The following RAPGEF6 variants were observed in gnomAD, a reference collection of about 807,000 sequenced individuals.
RAPGEF6 encodes the protein PDZ domain containing guanine nucleotide exchange factor (GEF) 2.
A neutral mutation model predicts 171.4 loss-of-function variants in RAPGEF6; 56 were observed. That is an observed-to-expected ratio of 0.33 (90% CI 0.26 to 0.41). The LOEUF is 0.41. Among genes scored for constraint, RAPGEF6 ranks in the 10% least tolerant of loss-of-function variants. The pLI is 1.00. For missense variants in RAPGEF6, 1,674 were observed against 1,921.4 expected, an observed-to-expected ratio of 0.87 and a Z score of 2.41; for synonymous variants, 692 against 650.1, an observed-to-expected ratio of 1.06 and a Z score of -0.98.
At chr5:131,442,255 AC>A (rs776984191) in intron 23 of RAPGEF6, 93 bp downstream of exon 23, 65 of 1,250,800 alleles carry the variant, frequency 5.2e-5, no homozygotes, top group Non-Finnish European at 7.0e-5. Flanking sequence ...ACAACCTACA[AC>A]AGCTTATCTC....
chr5:131,491,055 C>CGTGTGTGTGT (rs147350380), intron 14 of RAPGEF6, among the ~76,000 whole-genome samples: 1 of 151,122 alleles, frequency 6.6e-6, no homozygotes, highest in African/African-American at 2.4e-5. Context: ...AATGATTTCA[C>CGTGTGTGTGT]GTGTGTGTGT....
intron 6 of RAPGEF6, among the ~76,000 whole-genome samples, chr5:131,537,806 T>C (rs1405269022): frequency 6.6e-6 from 1 of 151,924 alleles, no homozygotes; most frequent in Non-Finnish European, 1.5e-5. Flanking sequence ...AAAATAACAG[T>C]AGAGGCTGGG....
intron 15 of RAPGEF6, 35 bp downstream of exon 15, chr5:131,489,511 G>A: frequency 8.0e-7 from 1 of 1,257,830 alleles, no homozygotes; most frequent in Non-Finnish European, 1.1e-6. Flanking sequence ...AAATTAAGAA[G>A]AAAGAGTTCA....
chr5:131,623,321 T>C (rs1292916406), intron 1 of RAPGEF6, among the ~76,000 whole-genome samples: 3 of 151,986 alleles, frequency 2.0e-5, no homozygotes, highest in African/African-American at 7.3e-5. Context: ...AGTAAAACAC[T>C]GTTTATGGCA....
At chr5:131,627,281 G>A (rs997961096) in intron 1 of RAPGEF6, among the ~76,000 whole-genome samples, 2 of 152,088 alleles carry the variant, frequency 1.3e-5, no homozygotes, top group Admixed American at 1.3e-4. Flanking sequence ...AAAATTTAGG[G>A]GATAAGTTGG....
chr5:131,527,394 A>G (rs7706972), intron 6 of RAPGEF6, among the ~76,000 whole-genome samples: 20,058 of 152,200 alleles, frequency 0.13, 3,378 homozygotes, highest in African/African-American at 0.4. Flanking sequence ...CAAATTGGCA[A>G]AAAACAAGTA....
intron 6 of RAPGEF6, among the ~76,000 whole-genome samples, chr5:131,542,626 A>G (rs1364112212): frequency 6.6e-6 from 1 of 152,200 alleles, no homozygotes; most frequent in African/African-American, 2.4e-5. Flanking sequence ...ACTCAGCATA[A>G]TGAGTGCTTA....
chr5:131,569,237 T>C (rs1762129523), intron 4 of RAPGEF6, among the ~76,000 whole-genome samples: 1 of 152,140 alleles, frequency 6.6e-6, no homozygotes, highest in African/African-American at 2.4e-5. Context: ...CTTAAATGTA[T>C]ATGAATATAC....
chr5:131,483,183 T>C (rs974273970), intron 15 of RAPGEF6, among the ~76,000 whole-genome samples: 3 of 151,968 alleles, frequency 2.0e-5, no homozygotes, highest in Admixed American at 6.6e-5. Flanking sequence ...ACTCCATCTC[T>C]ACTGAAAATA....
At chr5:131,465,907 C>G (rs929647285) in intron 17 of RAPGEF6, among the ~76,000 whole-genome samples, 1 of 152,060 alleles carries the variant, frequency 6.6e-6, no homozygotes, top group Admixed American at 6.6e-5. Flanking sequence ...TGTCCAGCAT[C>G]ACCTTCTTAG....
At chr5:131,623,995 A>G (rs1765755385) in intron 1 of RAPGEF6, among the ~76,000 whole-genome samples, 1 of 152,180 alleles carries the variant, frequency 6.6e-6, no homozygotes, top group Non-Finnish European at 1.5e-5. Flanking sequence ...GAGGAGTGGA[A>G]AAGTGAGGAA....
At chr5:131,505,959 T>G (rs1306607160) in intron 9 of RAPGEF6, among the ~76,000 whole-genome samples, 1 of 152,160 alleles carries the variant, frequency 6.6e-6, no homozygotes, top group Admixed American at 6.6e-5. Flanking sequence ...ACACTGTGCT[T>G]AGAATAGTGC....
At chr5:131,518,838 A>C (rs1758278920) in intron 7 of RAPGEF6, among the ~76,000 whole-genome samples, 1 of 151,874 alleles carries the variant, frequency 6.6e-6, no homozygotes, top group Non-Finnish European at 1.5e-5. Flanking sequence ...TATCTTATTT[A>C]TTTTATCTTT....
intron 5 of RAPGEF6, among the ~76,000 whole-genome samples, chr5:131,559,781 G>A (rs566383241): frequency 1.1e-3 from 159 of 149,744 alleles, no homozygotes; most frequent in Middle Eastern, 3.4e-3. Context: ...CCAAGGCTGC[G>A]CTGAGCTATC....
chr5:131,454,754 T>C (rs1036783707), intron 20 of RAPGEF6, among the ~76,000 whole-genome samples: 1 of 151,812 alleles, frequency 6.6e-6, no homozygotes, highest in African/African-American at 2.4e-5. Context: ...CCAATCGGAA[T>C]AAGAAACAAA....
intron 15 of RAPGEF6, among the ~76,000 whole-genome samples, chr5:131,484,758 T>G (rs181738): frequency 2.0e-5 from 3 of 151,932 alleles, no homozygotes. Flanking sequence ...TAGAATTCTA[T>G]GTAATAATAA....
intron 12 of RAPGEF6, among the ~76,000 whole-genome samples, chr5:131,498,200 T>C (rs1756758628): frequency 6.6e-6 from 1 of 152,248 alleles, no homozygotes; most frequent in South Asian, 2.1e-4. Flanking sequence ...TTATGTTTCC[T>C]GAACCTATAG....
At chr5:131,559,791 C>T (rs73262167) in intron 5 of RAPGEF6, among the ~76,000 whole-genome samples, 111 of 147,140 alleles carry the variant, frequency 7.5e-4, no homozygotes, top group African/African-American at 2.8e-3. Flanking sequence ...GCTGAGCTAT[C>T]GCACCACCGC....
At chr5:131,530,469 C>A (rs1759299162) in intron 6 of RAPGEF6, among the ~76,000 whole-genome samples, 1 of 152,004 alleles carries the variant, frequency 6.6e-6, no homozygotes, top group African/African-American at 2.4e-5. Context: ...TACATAGTAG[C>A]ATAGGCAAAA....
Sources: gnomAD v4.1 joint callset for allele counts (sites outside exome capture counted in the v4.1 genomes callset) on GRCh38, gnomAD v4.1.1 for gene constraint, MANE v1.5 for transcripts, NCBI Gene and HGNC (gene_info 2026-07-23, HGNC 2026-07-21) for gene names.